Variants in NPAS3 observed in about 807,000 individuals in gnomAD.
The protein encoded by NPAS3 is neuronal PAS domain-containing protein 3.
Under a neutral mutation model 73.1 loss-of-function variants are expected in NPAS3, and 14 were observed. The observed-to-expected ratio is 0.19, with a 90% CI of 0.13 to 0.30. The LOEUF (loss-of-function observed/expected upper bound fraction) is 0.30. Among genes scored for constraint, NPAS3 ranks in the 10% least tolerant of loss-of-function variants. NPAS3 has a pLI of 1.00. For missense variants in NPAS3, 1,096 were observed against 1,250.0 expected, an observed-to-expected ratio of 0.88 and a Z score of 1.86; for synonymous variants, 620 against 541.5, an observed-to-expected ratio of 1.14 and a Z score of -2.01.
chr14:33,121,555 GC>G (rs1441909324), intron 2 of NPAS3, among the ~76,000 whole-genome samples: 1 of 152,142 alleles, frequency 6.6e-6, no homozygotes, highest in Non-Finnish European at 1.5e-5. Flanking sequence ...ATGAATGAGT[GC>G]CAGATTGTTT....
At chr14:33,743,382 A>C (rs2061702995) in intron 7 of NPAS3, among the ~76,000 whole-genome samples, 1 of 152,192 alleles carries the variant, frequency 6.6e-6, no homozygotes, top group African/African-American at 2.4e-5. Context: ...AGTGAACAGT[A>C]ATATTTTGAA....
intron 1 of NPAS3, among the ~76,000 whole-genome samples, chr14:33,027,328 TGAG>T (rs1271842820): frequency 1.4e-4 from 21 of 152,208 alleles, no homozygotes; most frequent in Non-Finnish European, 2.6e-4. Context: ...GCTTGGGCTC[TGAG>T]TCAGGAGGAA....
intron 4 of NPAS3, among the ~76,000 whole-genome samples, chr14:33,471,512 C>T (rs1006113389): frequency 6.6e-6 from 1 of 152,082 alleles, no homozygotes; most frequent in Non-Finnish European, 1.5e-5. Context: ...TGCCCTGGCT[C>T]TTTTACCCAT....
intron 4 of NPAS3, among the ~76,000 whole-genome samples, chr14:33,465,460 A>G (rs528260163): frequency 6.6e-6 from 1 of 152,352 alleles, no homozygotes; most frequent in East Asian, 1.9e-4. Flanking sequence ...ATTATAGAAT[A>G]TATCGATTCA....
intron 4 of NPAS3, among the ~76,000 whole-genome samples, chr14:33,472,205 G>T (rs1157433106): frequency 6.6e-6 from 1 of 152,180 alleles, no homozygotes; most frequent in African/African-American, 2.4e-5. Flanking sequence ...CTGAGGAAGG[G>T]AGGGGGCTGA....
chr14:33,253,042 C>T (rs1201238512), intron 3 of NPAS3, among the ~76,000 whole-genome samples: 4 of 151,998 alleles, frequency 2.6e-5, no homozygotes, highest in Admixed American at 1.3e-4. Flanking sequence ...CAGTTAGGTT[C>T]GTTCCATGAC....
chr14:33,523,669 A>G (rs546641854), intron 4 of NPAS3, among the ~76,000 whole-genome samples: 35 of 151,422 alleles, frequency 2.3e-4, no homozygotes, highest in African/African-American at 8.0e-4. Flanking sequence ...AATCCCACCT[A>G]TTCTGGAGGC....
intron 1 of NPAS3, among the ~76,000 whole-genome samples, chr14:32,987,529 G>T (rs966316984): frequency 2.6e-5 from 4 of 152,080 alleles, no homozygotes; most frequent in Admixed American, 6.5e-5. Context: ...TATTTCCAGT[G>T]ATTAGAAAGA....
intron 5 of NPAS3, among the ~76,000 whole-genome samples, chr14:33,616,864 G>A (rs1358079000): frequency 6.6e-6 from 1 of 152,178 alleles, no homozygotes; most frequent in East Asian, 1.9e-4. Flanking sequence ...AGCCGAGTTT[G>A]TCCTGTGCAA....
intron 2 of NPAS3, among the ~76,000 whole-genome samples, chr14:33,197,245 G>GTGTGTA (rs1555353815): frequency 4.2e-5 from 6 of 143,842 alleles, no homozygotes; most frequent in Non-Finnish European, 9.1e-5. Flanking sequence ...GGCTGTGTGT[G>GTGTGTA]TGTGTGTGTG....
At chr14:33,301,905 T>C (rs2042565736) in intron 3 of NPAS3, among the ~76,000 whole-genome samples, 1 of 152,164 alleles carries the variant, frequency 6.6e-6, no homozygotes. Flanking sequence ...AAATATGTTT[T>C]TCGTATAATA....
intron 3 of NPAS3, among the ~76,000 whole-genome samples, chr14:33,216,009 T>C (rs539962535): frequency 1.3e-5 from 2 of 152,346 alleles, no homozygotes; most frequent in South Asian, 4.1e-4. Context: ...TATCTTTAAA[T>C]GTTAGGTCTT....
At chr14:33,259,034 C>G (rs142164836) in intron 3 of NPAS3, among the ~76,000 whole-genome samples, 1 of 152,178 alleles carries the variant, frequency 6.6e-6, no homozygotes, top group Non-Finnish European at 1.5e-5. Flanking sequence ...ATGATGGTCT[C>G]GATCTCCTGA....
chr14:33,202,259 C>A (rs1039956766), intron 2 of NPAS3, among the ~76,000 whole-genome samples: 4 of 151,980 alleles, frequency 2.6e-5, no homozygotes, highest in African/African-American at 4.8e-5. Flanking sequence ...AAAAATTAGC[C>A]AGGTGTGGTA....
At chr14:33,002,806 C>T (rs1284890701) in intron 1 of NPAS3, among the ~76,000 whole-genome samples, 3 of 152,132 alleles carry the variant, frequency 2.0e-5, no homozygotes, top group Non-Finnish European at 4.4e-5. Flanking sequence ...ATTTCAGATG[C>T]AGATGTACTA....
At chr14:33,658,677 C>T (rs2059219164) in intron 5 of NPAS3, among the ~76,000 whole-genome samples, 1 of 152,130 alleles carries the variant, frequency 6.6e-6, no homozygotes, top group Non-Finnish European at 1.5e-5. Flanking sequence ...CCTCAAATGA[C>T]TTGCAATGTC....
At chr14:33,755,755 C>T (rs760605619) in intron 7 of NPAS3, among the ~76,000 whole-genome samples, 9 of 151,948 alleles carry the variant, frequency 5.9e-5, no homozygotes, top group Non-Finnish European at 8.8e-5. Context: ...GCTTATTTGG[C>T]TCACGGTTTT....
At chr14:33,078,262 C>T (rs1401145262) in intron 2 of NPAS3, among the ~76,000 whole-genome samples, 1 of 152,200 alleles carries the variant, frequency 6.6e-6, no homozygotes, top group Non-Finnish European at 1.5e-5. Flanking sequence ...ATTTGTTTCA[C>T]AGACCCAATG....
chr14:33,783,474 A>C (rs2063043687), intron 9 of NPAS3, among the ~76,000 whole-genome samples: 1 of 152,096 alleles, frequency 6.6e-6, no homozygotes, highest in African/African-American at 2.4e-5. Context: ...TTCAGAAGCC[A>C]AGTCAGCCTT....
Sources: allele counts gnomAD v4.1 joint callset (sites outside exome capture counted in the v4.1 genomes callset), GRCh38; gene constraint gnomAD v4.1.1; transcripts MANE v1.5; gene names NCBI Gene and HGNC (gene_info 2026-07-23, HGNC 2026-07-21).